The following KIAA1549L variants were observed in gnomAD, a reference collection of about 807,000 sequenced individuals.
The protein encoded by KIAA1549L is UPF0606 protein KIAA1549L.
In KIAA1549L, 88 loss-of-function variants were observed where a neutral mutation model predicts 160.7. That is an observed-to-expected ratio of 0.55 (90% CI 0.46 to 0.65). The LOEUF (loss-of-function observed/expected upper bound fraction) is 0.65. Ranked by LOEUF, KIAA1549L falls within the 30% of genes least tolerant of loss-of-function variation. The pLI, the probability that KIAA1549L is intolerant of heterozygous loss-of-function variation, is 0.00. For synonymous variants in KIAA1549L, 950 were observed against 976.7 expected, an observed-to-expected ratio of 0.97 and a Z score of 0.51; for missense variants, 2,258 against 2,437.5, an observed-to-expected ratio of 0.93 and a Z score of 1.55.
At chr11:33,389,816 C>CT (rs1850239793) in intron 1 of KIAA1549L, among the ~76,000 whole-genome samples, 1 of 152,184 alleles carries the variant, frequency 6.6e-6, no homozygotes, top group South Asian at 2.1e-4. Context: ...TCACACTACT[C>CT]TAAGAGAGGG....
At chr11:33,503,519 G>T (rs1297784187) in intron 1 of KIAA1549L, among the ~76,000 whole-genome samples, 1 of 152,196 alleles carries the variant, frequency 6.6e-6, no homozygotes, top group African/African-American at 2.4e-5. Flanking sequence ...AAGTAGTTTT[G>T]CAAAGAGGCA....
chr11:33,542,516 C>A lies in KIAA1549L; in HGVS notation c.953C>A (p.Ser318Tyr). 6.2e-7 allele frequency: 1 copy of A among 1,613,410 alleles called. No individual in the cohort carries two copies. ...ATAGGCATCCCTCATCTAGGTGTTT[C>A]TGGATCCTCAACAAAATGGCATTCC... The part of the protein sequence containing the change: ...DLIGIPHLGV[S>Y]GSSTKWHSEL... Residue 318 changes from serine to tyrosine, a missense_variant, in exon 2 of 21, where the codon TCT (serine) becomes TAT (tyrosine). By Grantham distance (144) the Ser-to-Tyr change is moderately radical (BLOSUM62 -2). Transcript: ENST00000658780.
At chr11:33,386,702 C>T (rs563571984) in intron 1 of KIAA1549L, among the ~76,000 whole-genome samples, 19 of 150,738 alleles carry the variant, frequency 1.3e-4, no homozygotes, top group Admixed American at 4.6e-4. Context: ...TTTCTAACAA[C>T]GGCCAGGCCA....
At chr11:33,496,397 G>A (rs897281236) in intron 1 of KIAA1549L, among the ~76,000 whole-genome samples, 8 of 152,208 alleles carry the variant, frequency 5.3e-5, no homozygotes, top group Non-Finnish European at 2.9e-5. Context: ...TGGAGGGGTC[G>A]TCAGCAGCTG....
chr11:33,397,783 A>T (rs1194650733), intron 1 of KIAA1549L, among the ~76,000 whole-genome samples: 1 of 152,098 alleles, frequency 6.6e-6, no homozygotes, highest in Admixed American at 6.5e-5. Flanking sequence ...TTTCTATTTA[A>T]AAAATTTATT....
chr11:33,384,272 C>T (rs1208625104), intron 1 of KIAA1549L, among the ~76,000 whole-genome samples: 2 of 152,206 alleles, frequency 1.3e-5, no homozygotes, highest in Non-Finnish European at 2.9e-5. Flanking sequence ...TAGCATAATG[C>T]TCTTGAAAAT....
Position 33,598,868 on chromosome 11 carries a change from G to C in KIAA1549L, c.4800G>C (p.Lys1600Asn). The C allele has an allele frequency of 6.2e-7, 1 of 1,613,958 alleles. No homozygotes were observed. Among genetic ancestry groups the C allele is most frequent in the Non-Finnish European group, 8.5e-7 (1 of 1,179,858 alleles). The change falls in exon 13 of 21, where the codon AAG becomes AAC. Residue 1600 changes from lysine (K) to asparagine (N), a missense_variant. By Grantham distance (94) the Lys-to-Asn change is moderately conservative. Coordinates refer to ENST00000658780, the MANE Select transcript of KIAA1549L (RefSeq NM_012194.3). ...NGSVISNESG[K>N]PSSGRRSPQN... ...CTGTCATCAGCAACGAATCAGGGAA[G>C]CCCAGCTCAGGGAGACGCTCACCCC...
chr11:33,446,338 G>A (rs189585067), intron 1 of KIAA1549L, among the ~76,000 whole-genome samples: 1 of 152,036 alleles, frequency 6.6e-6, no homozygotes, highest in African/African-American at 2.4e-5. Context: ...CAAGTAATCC[G>A]CCCATCTCGG....
intron 9 of KIAA1549L, among the ~76,000 whole-genome samples, chr11:33,568,955 G>A (rs889819086): frequency 6.6e-6 from 1 of 152,202 alleles, no homozygotes; most frequent in African/African-American, 2.4e-5. Flanking sequence ...ATTCTGAAAT[G>A]TATGTTTTAG....
At chr11:33,530,062 T>A (rs964983447) in intron 1 of KIAA1549L, among the ~76,000 whole-genome samples, 4 of 151,948 alleles carry the variant, frequency 2.6e-5, no homozygotes, top group Non-Finnish European at 1.5e-5. Flanking sequence ...TGGACTTGAC[T>A]CCCCTTTGGG....
intron 1 of KIAA1549L, among the ~76,000 whole-genome samples, chr11:33,461,298 C>T (rs1268269571): frequency 2.0e-5 from 3 of 152,134 alleles, no homozygotes; most frequent in Non-Finnish European, 2.9e-5. Flanking sequence ...AGGCACTTAA[C>T]CCATCTCACT....
intron 1 of KIAA1549L, among the ~76,000 whole-genome samples, chr11:33,410,175 A>G (rs1167057408): frequency 6.6e-6 from 1 of 152,136 alleles, no homozygotes; most frequent in Non-Finnish European, 1.5e-5. Context: ...AGAAGTTACC[A>G]TTAAAGAGGC....
chr11:33,587,892 C>A (rs1216658976), intron 11 of KIAA1549L, among the ~76,000 whole-genome samples: 1 of 152,172 alleles, frequency 6.6e-6, no homozygotes, highest in African/African-American at 2.4e-5. Context: ...TGCATAGGAG[C>A]CAGGCCATGT....
chr11:33,511,551 G>A (rs1853227545), intron 1 of KIAA1549L, among the ~76,000 whole-genome samples: 1 of 152,220 alleles, frequency 6.6e-6, no homozygotes, highest in African/African-American at 2.4e-5. Context: ...AAATACCTGT[G>A]TACAGTTCCA....
chr11:33,645,464 G>A (rs547728351), intron 16 of KIAA1549L, among the ~76,000 whole-genome samples: 6 of 152,210 alleles, frequency 3.9e-5, no homozygotes, highest in Middle Eastern at 3.4e-3. Context: ...TCAATCTATG[G>A]GCAACTGAAG....
intron 1 of KIAA1549L, among the ~76,000 whole-genome samples, chr11:33,479,150 G>A (rs1481326243): frequency 1.3e-5 from 2 of 152,180 alleles, no homozygotes; most frequent in African/African-American, 4.8e-5. Flanking sequence ...GTAGACAAGA[G>A]GTAAAGCTGA....
chr11:33,639,028 T>A (rs1237606386), intron 16 of KIAA1549L, among the ~76,000 whole-genome samples: 3 of 152,234 alleles, frequency 2.0e-5, no homozygotes, highest in Non-Finnish European at 4.4e-5. Flanking sequence ...AATCCTAATA[T>A]TTTCTTGTGG....
intron 16 of KIAA1549L, among the ~76,000 whole-genome samples, chr11:33,640,167 GTA>G (rs1290584428): frequency 6.6e-6 from 1 of 151,976 alleles, no homozygotes; most frequent in Non-Finnish European, 1.5e-5. Context: ...ACATATATAT[GTA>G]TATGTGTGTA....
In KIAA1549L at chr11:33,630,267, G is replaced by A. The variant is rs368169287; in HGVS notation, c.5409+11605G>A. Among the ~76,000 whole-genome samples the A allele has an allele frequency of 3.3e-5, 5 of 152,188 alleles. No individual in the cohort carries two copies. The South Asian group carries it at 8.3e-4, about 25-fold the overall frequency. ...TGCCCTGCCCCCAGAGGTGGAGCCT[G>A]CAGAGGCAGGCAGGCCTCCTTGAGC... On this transcript the variant is annotated intron_variant, in intron 16 of 20. Transcript: ENST00000658780.
Sources: allele counts gnomAD v4.1 joint callset (sites outside exome capture counted in the v4.1 genomes callset), GRCh38; gene constraint gnomAD v4.1.1; transcripts MANE v1.5; gene names NCBI Gene and HGNC (gene_info 2026-07-23, HGNC 2026-07-21).